Variants in PPA2 observed in about 807,000 individuals in gnomAD.
PPA2 encodes the protein inorganic pyrophosphatase 2, mitochondrial.
In PPA2, 48 loss-of-function variants were observed where a neutral mutation model predicts 49.5. The ratio of observed to expected loss-of-function variants is 0.97; its 90% CI spans 0.77 to 1.23. PPA2 has a LOEUF of 1.23. PPA2 is among the 50% of genes most tolerant of loss of function. The pLI is 0.00. For missense variants in PPA2, 429 were observed against 410.1 expected (o/e 1.05, Z -0.40); for synonymous variants, 131 against 139.9 (o/e 0.94, Z 0.45).
At position 105,393,420 on chromosome 4, in the gene PPA2, G is replaced by C. The variant is rs1472173306; in HGVS notation, c.869+2829C>G. Among the ~76,000 whole-genome samples the C allele has an allele frequency of 2.7e-5, 4 of 150,914 alleles. No individual in the cohort carries two copies. The South Asian group carries it at 6.3e-4, about 24-fold the overall frequency. ...AATCGCTGAACTCTGGGAGGTCAAG[G>C]CTGCAATGAGTCATGTTCGCGCCCC... On this transcript the variant is annotated intron_variant, in intron 9 of 11. Transcript: ENST00000341695.
At chr4:105,434,106 C>T (rs914191404) in intron 6 of PPA2, among the ~76,000 whole-genome samples, 2 of 152,134 alleles carry the variant, frequency 1.3e-5, no homozygotes, top group African/African-American at 4.8e-5. Context: ...GGATTACAGG[C>T]ATGAGCCACT....
At position 105,399,076 on chromosome 4, in the gene PPA2, T is replaced by C. The variant is rs760356186; in HGVS notation, c.744A>G (p.Pro248=). ...CTCCATTAAAAGCAAACTGGTTTTC[T>C]GGTTTTCCATCTGGTACCTTATATA... ...FRLYKVPDGK[P]ENQFAFNGEF... Residue 248 remains proline, a synonymous_variant, in exon 8 of 12, where the codon CCA becomes CCG. Transcript: ENST00000341695. 1 of 1,609,382 alleles carries C rather than the reference T, an allele frequency of 6.2e-7. No individual in the cohort carries two copies. Among genetic ancestry groups the C allele is most frequent in the Non-Finnish European group, 8.5e-7 (1 of 1,178,964 alleles).
At chr4:105,405,502 G>A (rs961106866) in intron 7 of PPA2, 1 of 918,828 alleles carries the variant, frequency 1.1e-6, no homozygotes, top group Non-Finnish European at 1.3e-6. Flanking sequence ...TTGGAATGGA[G>A]AGGGAATATA....
intron 7 of PPA2, among the ~76,000 whole-genome samples, chr4:105,410,849 C>T (rs1381704319): frequency 1.3e-5 from 2 of 152,182 alleles, no homozygotes; most frequent in Non-Finnish European, 2.9e-5. Context: ...AAATCCTTTA[C>T]AGACAAGCAA....
chr4:105,372,654 C>T (rs921680937), intron 10 of PPA2, among the ~76,000 whole-genome samples: 26 of 152,182 alleles, frequency 1.7e-4, no homozygotes, highest in Admixed American at 1.7e-3. Flanking sequence ...ATTTCATCTG[C>T]TCAACTGGCT....
At chr4:105,405,639 G>C in intron 7 of PPA2, 3 of 1,017,404 alleles carry the variant, frequency 2.9e-6, no homozygotes, top group Non-Finnish European at 3.5e-6. Context: ...AAAGCATTCT[G>C]CTTCGGAAAA....
chr4:105,453,457 C>T, intron 3 of PPA2, 141 bp downstream of exon 3: 1 of 558,326 alleles, frequency 1.8e-6, no homozygotes, highest in Non-Finnish European at 3.0e-6. Context: ...CCCTAGCTGC[C>T]TTAAAGAAAA....
intron 5 of PPA2, 127 bp downstream of exon 5, chr4:105,446,256 T>C: frequency 9.7e-7 from 1 of 1,033,464 alleles, no homozygotes; most frequent in South Asian, 2.1e-5. Flanking sequence ...CGTTAATAAA[T>C]TCCAAATTTA....
chr4:105,388,020 A>G (rs1269244635), intron 9 of PPA2, among the ~76,000 whole-genome samples: 3 of 145,284 alleles, frequency 2.1e-5, no homozygotes, highest in African/African-American at 7.9e-5. Flanking sequence ...CCAAAGTAAA[A>G]CATTCCTTGG....
intron 6 of PPA2, among the ~76,000 whole-genome samples, chr4:105,429,950 C>A (rs1560627389): frequency 6.6e-6 from 1 of 152,094 alleles, no homozygotes; most frequent in Non-Finnish European, 1.5e-5. Context: ...GCAGATGTTC[C>A]ATGTGCTTAA....
chr4:105,413,401 T>A (rs902053143), intron 7 of PPA2, among the ~76,000 whole-genome samples: 1 of 152,118 alleles, frequency 6.6e-6, no homozygotes, highest in East Asian at 1.9e-4. Flanking sequence ...CAAACCAGCA[T>A]GGCACATGTA....
intron 8 of PPA2, 181 bp downstream of exon 8, chr4:105,398,856 C>A (rs1734247336): frequency 3.9e-6 from 2 of 512,450 alleles, no homozygotes; most frequent in Non-Finnish European, 6.4e-6. Context: ...CTTGTTGATT[C>A]ACTTAGATCT....
chr4:105,424,598 A>T (rs1235445363), intron 6 of PPA2, among the ~76,000 whole-genome samples: 1 of 152,192 alleles, frequency 6.6e-6, no homozygotes, highest in Admixed American at 6.5e-5. Flanking sequence ...AAATATATGA[A>T]ATCACTCGTT....
chr4:105,446,961 A>G (rs1722414267), intron 4 of PPA2, among the ~76,000 whole-genome samples: 1 of 152,206 alleles, frequency 6.6e-6, no homozygotes, highest in Non-Finnish European at 1.5e-5. Flanking sequence ...TGCCACTTTT[A>G]TTCAACATAG....
chr4:105,435,420 T>C (rs975870201), intron 6 of PPA2, among the ~76,000 whole-genome samples: 1 of 152,102 alleles, frequency 6.6e-6, no homozygotes, highest in Non-Finnish European at 1.5e-5. Context: ...CTATGCAAGA[T>C]GAATATCACC....
intron 10 of PPA2, among the ~76,000 whole-genome samples, chr4:105,377,276 C>G (rs1002020234): frequency 6.6e-6 from 1 of 152,088 alleles, no homozygotes; most frequent in Non-Finnish European, 1.5e-5. Flanking sequence ...TCTCTTTGAT[C>G]GATTTAACTC....
At chr4:105,424,412 C>T (rs1723396400) in intron 6 of PPA2, 90 bp from the exon 7 acceptor site, 4 of 1,178,654 alleles carry the variant, frequency 3.4e-6, no homozygotes, top group African/African-American at 1.6e-5. Flanking sequence ...AAAAGAACTA[C>T]AGACTGAAAT....
intron 1 of PPA2, among the ~76,000 whole-genome samples, chr4:105,467,059 G>T (rs1203444096): frequency 1.3e-5 from 2 of 152,202 alleles, no homozygotes; most frequent in East Asian, 3.8e-4. Flanking sequence ...GGTGCAGGCT[G>T]CAACCAATTA....
intron 4 of PPA2, among the ~76,000 whole-genome samples, 171 bp downstream of exon 4, chr4:105,449,179 T>C (rs549727512): frequency 3.0e-5 from 3 of 101,298 alleles, no homozygotes; most frequent in African/African-American, 6.0e-5. Context: ...ATCCCGCCAC[T>C]GCACTCCAGC....
Sources: gnomAD v4.1 joint callset for allele counts (sites outside exome capture counted in the v4.1 genomes callset) on GRCh38, gnomAD v4.1.1 for gene constraint, MANE v1.5 for transcripts, NCBI Gene and HGNC (gene_info 2026-07-23, HGNC 2026-07-21) for gene names.